The following ARMH4 variants were observed in gnomAD, a reference collection of about 807,000 sequenced individuals.
The protein encoded by ARMH4 is armadillo like helical domain containing 4.
Under a neutral mutation model 61.9 loss-of-function variants are expected in ARMH4, and 49 were observed. The observed-to-expected ratio is 0.79, with a 90% confidence interval of 0.63 to 1.00. The LOEUF is 1.00. ARMH4 is among the 50% of genes least tolerant of loss of function. The probability of loss-of-function intolerance (pLI) is 0.00; values close to 1 mark genes in which losing one functional copy is unlikely to be tolerated. For synonymous variants in ARMH4, 368 were observed against 341.5 expected (o/e 1.08, Z -0.85); for missense variants, 934 against 930.0 (o/e 1.00, Z -0.06).
At chr14:58,086,996 T>C (rs187165685) in intron 5 of ARMH4, among the ~76,000 whole-genome samples, 31 of 152,230 alleles carry the variant, frequency 2.0e-4, no homozygotes, top group African/African-American at 6.3e-4. Context: ...GGCAGGAAGA[T>C]AGACCAGACA....
At chr14:58,089,943 T>C (rs1885503651) in intron 5 of ARMH4, among the ~76,000 whole-genome samples, 1 of 152,220 alleles carries the variant, frequency 6.6e-6, no homozygotes, top group Non-Finnish European at 1.5e-5. Flanking sequence ...CCTCTCACTA[T>C]TTTCAGAACA....
intron 5 of ARMH4, among the ~76,000 whole-genome samples, chr14:58,049,754 CT>C (rs1399118369): frequency 3.9e-5 from 6 of 152,076 alleles, no homozygotes; most frequent in Non-Finnish European, 8.8e-5. Flanking sequence ...TTAGGGAGAA[CT>C]TTTACTGCTA....
intron 4 of ARMH4, among the ~76,000 whole-genome samples, chr14:58,130,954 C>T (rs868002550): frequency 1.3e-5 from 2 of 152,302 alleles, no homozygotes; most frequent in African/African-American, 4.8e-5. Flanking sequence ...CCAGATTCCA[C>T]CCCCCACCAT....
chr14:58,009,424 T>A (rs2141129536), intron 6 of ARMH4, among the ~76,000 whole-genome samples: 1 of 151,856 alleles, frequency 6.6e-6, no homozygotes, highest in Non-Finnish European at 1.5e-5. Context: ...GGAATGAAGG[T>A]CACAAATGGT....
chr14:58,022,774 A>G (rs1294305520), intron 5 of ARMH4, among the ~76,000 whole-genome samples: 1 of 152,124 alleles, frequency 6.6e-6, no homozygotes, highest in Admixed American at 6.6e-5. Flanking sequence ...TGCCATACCA[A>G]TTTCATTCAT....
intron 1 of ARMH4, among the ~76,000 whole-genome samples, chr14:58,145,365 T>C (rs1362034029): frequency 2.6e-5 from 4 of 152,240 alleles, no homozygotes; most frequent in Non-Finnish European, 4.4e-5. Context: ...CTATATGACA[T>C]GAAATAAAAA....
intron 5 of ARMH4, among the ~76,000 whole-genome samples, chr14:58,032,735 C>G (rs1326207809): frequency 6.6e-6 from 1 of 151,922 alleles, no homozygotes; most frequent in Non-Finnish European, 1.5e-5. Flanking sequence ...CATTGCCTCA[C>G]CTGGGAAGCG....
chr14:58,105,003 A>G (rs1444596639), intron 4 of ARMH4, among the ~76,000 whole-genome samples: 1 of 152,246 alleles, frequency 6.6e-6, no homozygotes, highest in Non-Finnish European at 1.5e-5. Flanking sequence ...ACCAGAGTTC[A>G]TCTTCTATTC....
chr14:58,128,477 G>C (rs1283941243), intron 4 of ARMH4, among the ~76,000 whole-genome samples: 2 of 152,080 alleles, frequency 1.3e-5, no homozygotes, highest in African/African-American at 4.8e-5. Flanking sequence ...ATGAGTATAA[G>C]GCATTTATCA....
rs773427478 is a variant in ARMH4 at position 58,133,124 on chromosome 14, G to A, written c.1587C>T (p.Val529=). ...TGGGAGTAACTTCAAAAGACAAAGG[G>A]ACGACTGTAGTTGAAATTGTAGTGG... ...PLATTISTTV[V]PLSFEVTPTV... The change falls in exon 3 of 8, where the codon GTC becomes GTT. Residue 529 remains valine (V), a synonymous_variant. Transcript: ENST00000267485. 1.9e-6 allele frequency: 3 copies of A among 1,614,196 alleles called. No homozygotes were observed. The highest frequency in any genetic ancestry group is 8.5e-7 in the Non-Finnish European group (1 of 1,180,048).
At chr14:58,034,187 A>G (rs1412460882) in intron 5 of ARMH4, among the ~76,000 whole-genome samples, 2 of 137,954 alleles carry the variant, frequency 1.4e-5, no homozygotes, top group Non-Finnish European at 3.2e-5. Context: ...AAAGCCCATC[A>G]GACTAATAGC....
chr14:58,074,608 A>T (rs1386308290), intron 5 of ARMH4, among the ~76,000 whole-genome samples: 3 of 152,118 alleles, frequency 2.0e-5, no homozygotes, highest in Admixed American at 1.3e-4. Context: ...TCCAACCACC[A>T]ATATGACATC....
intron 5 of ARMH4, among the ~76,000 whole-genome samples, chr14:58,070,629 A>G (rs574474641): frequency 6.6e-6 from 1 of 152,328 alleles, no homozygotes; most frequent in Admixed American, 6.5e-5. Flanking sequence ...ACTGTTCTGA[A>G]TGTCCAGCTC....
intron 5 of ARMH4, among the ~76,000 whole-genome samples, chr14:58,067,348 C>T (rs1884737358): frequency 6.6e-6 from 1 of 152,194 alleles, no homozygotes; most frequent in Admixed American, 6.5e-5. Flanking sequence ...CCTCCTGGAG[C>T]TTCCAATCTA....
In ARMH4 at chr14:58,015,628, C is replaced by T. The variant is rs891217642; in HGVS notation, c.2090-3478G>A. Among the ~76,000 whole-genome samples the T allele has an allele frequency of 8.6e-5, 13 of 151,694 alleles. No homozygotes were observed. The South Asian group carries it at 1.3e-3, about 15-fold the overall frequency. ...TCATGAGGATCCTGTAAACAGTTTT[C>T]GGTAAAACATTCAAGTTGCAATAAA... On this transcript the variant is annotated intron_variant, in intron 5 of 7. Coordinates refer to ENST00000267485, the MANE Select transcript of ARMH4 (RefSeq NM_001001872.4).
intron 4 of ARMH4, among the ~76,000 whole-genome samples, chr14:58,130,376 C>T (rs752422113): frequency 1.6e-4 from 24 of 152,068 alleles, no homozygotes; most frequent in Non-Finnish European, 1.0e-4. Context: ...GAGTCAGCTG[C>T]AAACCTAGCT....
At chr14:58,022,429 G>A (rs890038887) in intron 5 of ARMH4, among the ~76,000 whole-genome samples, 3 of 152,190 alleles carry the variant, frequency 2.0e-5, no homozygotes, top group Non-Finnish European at 4.4e-5. Flanking sequence ...GGATTAAGAG[G>A]TAGACATCTT....
In ARMH4 at chr14:58,131,586, C is replaced by T. The variant is rs768294177; in HGVS notation, c.1757G>A (p.Arg586Lys). The T allele has an allele frequency of 3.1e-6, 5 of 1,614,096 alleles. No homozygotes were observed. In the African/African-American group the frequency reaches 6.7e-5, roughly 22 times the overall value. ...ALPALEASSE[R>K]RTVVPSITRV... ...AGTAATAGATGGAACAACAGTTCTT[C>T]TCTCAGAGGATGCCTCCAAAGCAGG... The change falls in exon 4 of 8, where the codon AGA becomes AAA. Residue 586 changes from arginine (R) to lysine (K), a missense_variant. By Grantham distance (26) the Arg-to-Lys change is conservative (BLOSUM62 2). Coordinates refer to ENST00000267485, the MANE Select transcript of ARMH4 (RefSeq NM_001001872.4).
intron 6 of ARMH4, among the ~76,000 whole-genome samples, chr14:58,010,194 T>C (rs970862517): frequency 6.6e-6 from 1 of 151,918 alleles, no homozygotes. Flanking sequence ...AAGACTTTAA[T>C]AGATGATGGA....
Sources: allele counts gnomAD v4.1 joint callset (sites outside exome capture counted in the v4.1 genomes callset), GRCh38; gene constraint gnomAD v4.1.1; transcripts MANE v1.5; gene names NCBI Gene and HGNC (gene_info 2026-07-23, HGNC 2026-07-21).